The following HMCN1 variants were observed in gnomAD, a reference collection of about 807,000 sequenced individuals.
HMCN1 encodes the protein hemicentin-1.
A neutral mutation model predicts 625.9 loss-of-function variants in HMCN1; 321 were observed. The ratio of observed to expected loss-of-function variants is 0.51; its 90% CI spans 0.47 to 0.56. HMCN1 has a LOEUF of 0.56. HMCN1 is among the 20% of genes least tolerant of loss of function. The pLI, the probability that HMCN1 is intolerant of heterozygous loss-of-function variation, is 0.00. For synonymous variants in HMCN1, 2,425 were observed against 2,417.6 expected (o/e 1.00, Z -0.09); for missense variants, 6,588 against 6,887.3 (o/e 0.96, Z 1.54).
chr1:185,897,473 C>CCT (rs1665552847), intron 4 of HMCN1, among the ~76,000 whole-genome samples: 1 of 152,136 alleles, frequency 6.6e-6, no homozygotes, highest in Non-Finnish European at 1.5e-5. Flanking sequence ...TTCTCCCTAC[C>CCT]CTCATCACTT....
chr1:185,739,799 G>T (rs1383307280), intron 1 of HMCN1, among the ~76,000 whole-genome samples: 1 of 152,082 alleles, frequency 6.6e-6, no homozygotes, highest in Admixed American at 6.6e-5. Flanking sequence ...ATGATAATTG[G>T]TATGGAGAAA....
Position 185,892,177 on chromosome 1 carries a change from C to A in HMCN1, c.622-17160C>A, listed in dbSNP as rs1374888352. The stretch of plus-strand genomic sequence containing the variant: ...TCAGCTCCATCAGCTCCTTTAAGCA[C>A]CTCTCTGTATTGGTTATTCTAGTTA... On this transcript the variant is annotated intron_variant, in intron 4 of 106. Coordinates refer to ENST00000271588, the MANE Select transcript of HMCN1 (RefSeq NM_031935.3). Among the ~76,000 whole-genome samples, 2 of 148,722 alleles carry A rather than the reference C, an allele frequency of 1.3e-5. 1 individual carries two copies. The highest frequency in any genetic ancestry group is 5.3e-5 in the African/African-American group (2 of 38,080).
rs1217825764 is a variant in HMCN1, at chr1:186,151,615, T to C, written c.14768T>C (p.Met4923Thr). Residue 4923 changes from methionine (M) to threonine (T), a missense_variant, in exon 95 of 107, where the codon ATG (methionine) becomes ACG (threonine). Met to Thr is a moderately conservative substitution (Grantham distance 81). Around this residue, in one of 3 missense-constraint regions of HMCN1, gnomAD observed 1,954 missense variants for 2,013.1 expected, o/e 0.97. Transcript: ENST00000271588. ...TNVPRSLGSA[M>T]RKIVSILNPI... Reference sequence around the variant, plus strand: ...CCTTTTTTTTCTTTAGGTTCAGCAATGAGAAAGATAGTTTCTATTCTAAAT... The same window carrying C: ...CCTTTTTTTTCTTTAGGTTCAGCAACGAGAAAGATAGTTTCTATTCTAAAT... 7 of 1,612,268 alleles carry C rather than the reference T, an allele frequency of 4.3e-6. No individual in the cohort carries two copies. The highest frequency in any genetic ancestry group is 5.9e-6 in the Non-Finnish European group (7 of 1,178,778).
chr1:186,117,518 G>A lies in HMCN1; in HGVS notation c.11743G>A (p.Val3915Ile), dbSNP rs201008146. 35 of 1,613,804 alleles carry A rather than the reference G, an allele frequency of 2.2e-5. No individual in the cohort carries two copies. Among genetic ancestry groups the A allele is most frequent in the South Asian group, 1.1e-5 (1 of 91,086 alleles). ...DFLVTKHAPA[V>I]ITCTASGVPF... is the part of the protein sequence containing the mutation. ...CCTAGTAACCAAACATGCCCCAGCA[G>A]TAATTACCTGCACTGCTTCGGGAGT... The change falls in exon 77 of 107, where the codon GTA (valine) becomes ATA (isoleucine). Residue 3915 changes from valine to isoleucine, a missense_variant. Transcript: ENST00000271588.
intron 4 of HMCN1, among the ~76,000 whole-genome samples, chr1:185,889,124 G>A (rs1474475111): frequency 4.2e-5 from 6 of 143,516 alleles, no homozygotes; most frequent in Non-Finnish European, 7.4e-5. Context: ...TGTTGTTGGT[G>A]TATAGGAATG....
intron 2 of HMCN1, among the ~76,000 whole-genome samples, chr1:185,863,780 T>C (rs1055655769): frequency 2.0e-5 from 3 of 152,114 alleles, no homozygotes; most frequent in Admixed American, 1.3e-4. Context: ...TATAGGTTAA[T>C]AGGAAAAATG....
In HMCN1 at chr1:185,953,891, G is replaced by C. The variant is rs374952150; in HGVS notation, c.1829-8627G>C. 7.5e-4 allele frequency among the ~76,000 whole-genome samples: 113 copies of C among 150,808 alleles called. 1 individual carries two copies. The highest frequency in any genetic ancestry group is 5.8e-4 in the East Asian group (3 of 5,140). ...AGCAAAGGGAGATAGGGGTGGGGCC[G>C]TTTTATAGGATTTGGGTAGGTAAAG... On this transcript the variant is annotated intron_variant, in intron 11 of 106. Coordinates refer to ENST00000271588, the MANE Select transcript of HMCN1 (RefSeq NM_031935.3).
Position 186,130,049 on chromosome 1 carries a change from G to T in HMCN1, c.12988G>T (p.Ala4330Ser), listed in dbSNP as rs201836712. 2 of 1,613,126 alleles carry T rather than the reference G, an allele frequency of 1.2e-6. No homozygotes were observed. The highest frequency in any genetic ancestry group is 2.2e-5 in the East Asian group (1 of 44,874). Residue 4330 changes from alanine to serine, a missense_variant, in exon 84 of 107, where the codon GCA (alanine) becomes TCA (serine). By Grantham distance (99) the Ala-to-Ser change is moderately conservative. Around this residue, in one of 3 missense-constraint regions of HMCN1, gnomAD observed 1,954 missense variants for 2,013.1 expected, o/e 0.97. Transcript: ENST00000271588. ...GGATTCAGGTACTTATGTGTGCACC[G>T]CAGAGAACAGCGTTGGCTTTGTGAA... ...KEDSGTYVCT[A>S]ENSVGFVKAI...
chr1:185,892,168 C>T (rs193134371), intron 4 of HMCN1, among the ~76,000 whole-genome samples: 2 of 148,932 alleles, frequency 1.3e-5, no homozygotes, highest in Non-Finnish European at 2.9e-5. Context: ...CCATCAGCTC[C>T]TTTAAGCACC....
intron 2 of HMCN1, among the ~76,000 whole-genome samples, chr1:185,862,374 A>G (rs970875187): frequency 1.3e-5 from 2 of 152,150 alleles, no homozygotes; most frequent in African/African-American, 4.8e-5. Context: ...AGAGAAAGGG[A>G]AGGGACAGAT....
rs1430994246 is a variant in HMCN1, at chr1:186,087,924, T to C, written c.9364-8T>C. Reference sequence around the variant, plus strand: ...TGGAGCACATACAATAGTATCTTTTTCTTTTAGGTATCTGACACAGGCCAG... The same window carrying C: ...TGGAGCACATACAATAGTATCTTTTCCTTTTAGGTATCTGACACAGGCCAG... On this transcript the variant is annotated splice_region_variant and splice_polypyrimidine_tract_variant and intron_variant, in intron 60 of 106. Transcript: ENST00000271588. 1 of 1,609,474 alleles carries C rather than the reference T, an allele frequency of 6.2e-7. No individual in the cohort carries two copies.
At chr1:186,167,471 A>G (rs561490446) in intron 100 of HMCN1, among the ~76,000 whole-genome samples, 14 of 152,216 alleles carry the variant, frequency 9.2e-5, no homozygotes, top group Non-Finnish European at 1.5e-4. Flanking sequence ...GTTACAGTCA[A>G]TAAACTTACA....
At chr1:185,847,249 C>A (rs954287027) in intron 2 of HMCN1, among the ~76,000 whole-genome samples, 1 of 152,252 alleles carries the variant, frequency 6.6e-6, no homozygotes. Context: ...TGCTTATCCA[C>A]GAGTGGCCAA....
intron 29 of HMCN1, among the ~76,000 whole-genome samples, chr1:186,004,848 G>T (rs1478625388): frequency 6.6e-6 from 1 of 152,042 alleles, no homozygotes; most frequent in Non-Finnish European, 1.5e-5. Flanking sequence ...AGATGGGAAA[G>T]CTGGCTAAAA....
rs1247114970 is a variant in HMCN1, at chr1:185,977,946, T to A, written c.2531T>A (p.Ile844Asn). The A allele has an allele frequency of 6.2e-7, 1 of 1,613,246 alleles. No homozygotes were observed. Among genetic ancestry groups the A allele is most frequent in the Non-Finnish European group, 8.5e-7 (1 of 1,179,432 alleles). The change falls in exon 16 of 107, where the codon ATC becomes AAC. Residue 844 changes from isoleucine (I) to asparagine (N), a missense_variant. Transcript: ENST00000271588. ...TCAAGACCTTTTTCAGTTAGTTCCA[T>A]CAGCCAACTAAGAACAGGAGCTCTC... is the stretch of plus-strand genomic sequence containing the variant. Reference protein sequence around the residue: ...IFSRPFSVSSISQLRTGALFI... With the variant: ...IFSRPFSVSSNSQLRTGALFI...
At chr1:185,982,063 C>T (rs1007350442) in intron 17 of HMCN1, among the ~76,000 whole-genome samples, 199 bp from the exon 18 acceptor site, 1 of 152,120 alleles carries the variant, frequency 6.6e-6, no homozygotes, top group African/African-American at 2.4e-5. Flanking sequence ...AATGTATTAC[C>T]TGTCCTTTTG....
intron 4 of HMCN1, among the ~76,000 whole-genome samples, chr1:185,896,686 G>A (rs1004102447): frequency 2.6e-5 from 4 of 152,164 alleles, no homozygotes; most frequent in Non-Finnish European, 4.4e-5. Flanking sequence ...CTCAGTGTTA[G>A]ATAATCATAG....
chr1:185,735,014 T>C lies in HMCN1; in HGVS notation c.235T>C (p.Phe79Leu), dbSNP rs1571918905. 3 of 1,614,182 alleles carry C rather than the reference T, an allele frequency of 1.9e-6. No homozygotes were observed. The highest frequency in any genetic ancestry group is 2.5e-6 in the Non-Finnish European group (3 of 1,180,028). ...TSLKRPKRPL[F>L]NFALVPFHDP... is the part of the protein sequence containing the mutation. ...TTTGAAAAGACCTAAAAGACCTCTT[T>C]TCAACTTTGCGTTGGTGCCTTTCCA... The change falls in exon 1 of 107, where the codon TTC becomes CTC. Residue 79 changes from phenylalanine (F) to leucine (L), a missense_variant. Phe to Leu is a conservative substitution (Grantham distance 22). Around this residue, in one of 3 missense-constraint regions of HMCN1, gnomAD observed 4,628 missense variants for 4,853.1 expected, o/e 0.95. Transcript: ENST00000271588.
intron 39 of HMCN1, 63 bp downstream of exon 39, chr1:186,039,942 C>T (rs1656098767): frequency 3.4e-6 from 5 of 1,468,154 alleles, no homozygotes; most frequent in Non-Finnish European, 4.8e-6. Context: ...GAAGTACACA[C>T]AGGTAAAACT....
Sources: gnomAD v4.1 joint callset for allele counts (sites outside exome capture counted in the v4.1 genomes callset) on GRCh38, gnomAD v4.1.1 for gene constraint, gnomAD v4.1.1 regional missense constraint, MANE v1.5 for transcripts, NCBI Gene and HGNC (gene_info 2026-07-23, HGNC 2026-07-21) for gene names.